The following ACER3 variants were observed in gnomAD, a reference collection of about 807,000 sequenced individuals.
The protein encoded by ACER3 is alkCDase 3.
A neutral mutation model predicts 48.9 loss-of-function variants in ACER3; 16 were observed. The ratio of observed to expected loss-of-function variants is 0.33; its 90% CI spans 0.22 to 0.50. The LOEUF is 0.50. ACER3 is among the 20% of genes least tolerant of loss of function. ACER3 has a pLI of 0.98. For synonymous variants in ACER3, 109 were observed against 107.8 expected (o/e 1.01, Z -0.07); for missense variants, 227 against 326.0 (o/e 0.70, Z 2.34).
At chr11:77,005,984 T>TTATATATATATAC (rs1949132220) in intron 7 of ACER3, among the ~76,000 whole-genome samples, 1 of 23,654 alleles carries the variant, frequency 4.2e-5, no homozygotes, top group Non-Finnish European at 2.5e-4. Context: ...TATATATATA[T>TTATATATATATAC]ATATATATTT....
At chr11:76,905,112 A>G (rs1463882746) in intron 1 of ACER3, among the ~76,000 whole-genome samples, 3 of 152,128 alleles carry the variant, frequency 2.0e-5, no homozygotes, top group African/African-American at 7.2e-5. Context: ...TCGGCCTCCC[A>G]AAGTGCCGGG....
rs150517190 is a variant in ACER3, at chr11:77,022,671, C to T, written c.*2344C>T. ...TACAGAGTTGAATTCCTCACTACCC[C>T]CTCCCGCTGTCATTTGTTTTATTGG... On this transcript the variant is annotated 3_prime_UTR_variant, in exon 11 of 11. Coordinates refer to ENST00000532485, the MANE Select transcript of ACER3 (RefSeq NM_018367.7). 6.5e-6 allele frequency: 1 copy of T among 153,632 alleles called. No individual in the cohort carries two copies. Among genetic ancestry groups the T allele is most frequent in the Non-Finnish European group, 1.4e-5 (1 of 69,178 alleles). 9.5% of individuals were successfully genotyped at this position (153,632 alleles called of 1,614,324 possible). A position where few individuals can be genotyped will look rare whatever the true frequency, so the allele number is the denominator to read the frequency against.
chr11:76,882,149 CG>C (rs1420241316), intron 1 of ACER3, among the ~76,000 whole-genome samples: 7 of 151,750 alleles, frequency 4.6e-5, no homozygotes, highest in Non-Finnish European at 8.8e-5. Context: ...GGACTACAGG[CG>C]CCCGCCACCA....
At chr11:76,934,243 A>T (rs377630538) in intron 2 of ACER3, among the ~76,000 whole-genome samples, 2 of 148,808 alleles carry the variant, frequency 1.3e-5, no homozygotes, top group East Asian at 4.2e-4. Flanking sequence ...GTCCTAGACG[A>T]TGGGCAGCCA....
chr11:76,881,194 G>A (rs1041577510), intron 1 of ACER3, among the ~76,000 whole-genome samples: 4 of 151,248 alleles, frequency 2.6e-5, no homozygotes, highest in Non-Finnish European at 5.9e-5. Context: ...GGTCAATGCT[G>A]CAGTGAGGTA....
chr11:76,964,199 C>T (rs953163256), intron 3 of ACER3, among the ~76,000 whole-genome samples: 1 of 151,358 alleles, frequency 6.6e-6, no homozygotes, highest in Admixed American at 6.6e-5. Flanking sequence ...CCTACGCCCA[C>T]GGAGCCTCTC....
chr11:76,970,896 C>A (rs1245271219), intron 3 of ACER3, among the ~76,000 whole-genome samples: 1 of 152,184 alleles, frequency 6.6e-6, no homozygotes, highest in Non-Finnish European at 1.5e-5. Context: ...CTCCCTCCAA[C>A]AACCCCTGAC....
rs1304709051 is a variant in ACER3 at position 76,990,430 on chromosome 11, TA to T, written c.403-107del. The T allele has an allele frequency of 4.9e-6, 4 of 809,136 alleles. No individual in the cohort carries two copies. The African/African-American group carries it at 5.0e-5, about 10-fold the overall frequency. 50.1% of individuals were successfully genotyped at this position (809,136 alleles called of 1,614,324 possible). The stretch of plus-strand genomic sequence containing the variant: ...TTACATGGCTAGATTCAAGTCTGAG[TA>T]AGATGGGGGAAGCAGGAGAGGTTTG... On this transcript the variant is annotated intron_variant, in intron 5 of 10. Transcript: ENST00000532485.
At chr11:76,907,393 G>A (rs1162013001) in intron 1 of ACER3, among the ~76,000 whole-genome samples, 1 of 152,114 alleles carries the variant, frequency 6.6e-6, no homozygotes, top group Non-Finnish European at 1.5e-5. Context: ...GTTCTTAGTG[G>A]ACATGCTGTG....
intron 7 of ACER3, among the ~76,000 whole-genome samples, chr11:77,000,954 A>C (rs2135268417): frequency 6.6e-6 from 1 of 152,142 alleles, no homozygotes; most frequent in Admixed American, 6.6e-5. Context: ...TCTTGTTGAG[A>C]TTTTAGGAAT....
chr11:76,957,579 G>A (rs1031389279), intron 2 of ACER3: 3 of 368,208 alleles, frequency 8.1e-6, no homozygotes, highest in African/African-American at 6.4e-5. Context: ...AAGTAGCTGG[G>A]ACTACAGGTG....
At chr11:76,964,065 CAAAG>C (rs1405165546) in intron 3 of ACER3, among the ~76,000 whole-genome samples, 2 of 151,406 alleles carry the variant, frequency 1.3e-5, no homozygotes, top group Admixed American at 1.3e-4. Context: ...CTTTCCTAGT[CAAAG>C]AAAGGGGTGA....
chr11:76,939,739 T>C (rs1309650828), intron 2 of ACER3, among the ~76,000 whole-genome samples: 1 of 152,102 alleles, frequency 6.6e-6, no homozygotes, highest in East Asian at 1.9e-4. Flanking sequence ...AAAAAACAAA[T>C]TGAGGAGCAA....
chr11:76,870,316 T>C (rs188598186), intron 1 of ACER3, among the ~76,000 whole-genome samples: 2 of 152,004 alleles, frequency 1.3e-5, no homozygotes, highest in Admixed American at 6.6e-5. Flanking sequence ...TTTATTTTTG[T>C]AGAGATGAGG....
Position 76,976,359 on chromosome 11 carries a change from T to A in ACER3, c.320+18T>A. 6.7e-7 allele frequency: 1 copy of A among 1,496,588 alleles called. No individual in the cohort carries two copies. Among genetic ancestry groups the A allele is most frequent in the Non-Finnish European group, 9.2e-7 (1 of 1,088,806 alleles). 92.7% of individuals were successfully genotyped at this position (1,496,588 alleles called of 1,614,324 possible). A position where few individuals can be genotyped will look rare whatever the true frequency, so the allele number is the denominator to read the frequency against. On this transcript the variant is annotated intron_variant, in intron 4 of 10. Coordinates refer to ENST00000532485, the MANE Select transcript of ACER3 (RefSeq NM_018367.7). Reference sequence around the variant, plus strand: ...TACTGCATGTAAGTACTTTTAAAATTTCATTGTTTGATTTATTTTTAAATT... The same window carrying A: ...TACTGCATGTAAGTACTTTTAAAATATCATTGTTTGATTTATTTTTAAATT...
chr11:76,867,945 A>T (rs1476311309), intron 1 of ACER3, among the ~76,000 whole-genome samples: 1 of 152,200 alleles, frequency 6.6e-6, no homozygotes, highest in African/African-American at 2.4e-5. Flanking sequence ...CTCAGTCTCT[A>T]TACCTTTACT....
chr11:76,971,171 T>C (rs2135125461), intron 3 of ACER3, among the ~76,000 whole-genome samples: 1 of 152,370 alleles, frequency 6.6e-6, no homozygotes, highest in East Asian at 1.9e-4. Flanking sequence ...ATAATGTTGC[T>C]ATGAACTTTT....
intron 1 of ACER3, among the ~76,000 whole-genome samples, chr11:76,920,659 C>CA (rs35564564): frequency 0.41 from 58,748 of 142,764 alleles, 14,465 homozygotes; most frequent in Non-Finnish European, 0.56. Context: ...TTTTAACAGA[C>CA]AGAGTCTTGC....
chr11:76,968,035 A>G (rs1591006889), intron 3 of ACER3, among the ~76,000 whole-genome samples: 2 of 152,356 alleles, frequency 1.3e-5, no homozygotes. Context: ...TTGTATACCT[A>G]GAAAACCCCA....
Sources: allele counts gnomAD v4.1 joint callset (sites outside exome capture counted in the v4.1 genomes callset), GRCh38; gene constraint gnomAD v4.1.1; transcripts MANE v1.5; gene names NCBI Gene and HGNC (gene_info 2026-07-23, HGNC 2026-07-21).